CCDC102B: variants seen among roughly 807,000 people sequenced by gnomAD.
CCDC102B encodes the protein coiled-coil domain containing 102B, also known as coiled-coil domain-containing protein 102B.
In CCDC102B, 75 loss-of-function variants were observed where a neutral mutation model predicts 57.4. The observed-to-expected ratio is 1.31, with a 90% CI of 1.08 to 1.58. The LOEUF (loss-of-function observed/expected upper bound fraction) is 1.58, where lower values mean the gene tolerates loss of function less well. Ranked by LOEUF, CCDC102B falls within the 40% of genes most tolerant of loss-of-function variation. The pLI is 0.00. For synonymous variants in CCDC102B, 206 were observed against 201.9 expected (o/e 1.02, Z -0.17); for missense variants, 636 against 582.6 (o/e 1.09, Z -0.94).
chr18:68,767,115 C>T (rs1171916911), intron 2 of CCDC102B, among the ~76,000 whole-genome samples: 2 of 152,162 alleles, frequency 1.3e-5, no homozygotes, highest in East Asian at 3.9e-4. Flanking sequence ...CCATACTAGG[C>T]TAAAATTCAC....
intron 6 of CCDC102B, among the ~76,000 whole-genome samples, chr18:68,911,271 T>A (rs1599676248): frequency 6.6e-6 from 1 of 152,146 alleles, no homozygotes; most frequent in African/African-American, 2.4e-5. Flanking sequence ...AAGAATGGGA[T>A]TATATACTTT....
At chr18:68,912,907 A>G (rs1327153318) in intron 6 of CCDC102B, among the ~76,000 whole-genome samples, 1 of 152,186 alleles carries the variant, frequency 6.6e-6, no homozygotes, top group Non-Finnish European at 1.5e-5. Flanking sequence ...AATAAATGTC[A>G]CTAATTTGGG....
At chr18:68,966,747 A>T (rs2050174414) in intron 6 of CCDC102B, among the ~76,000 whole-genome samples, 1 of 152,108 alleles carries the variant, frequency 6.6e-6, no homozygotes, top group South Asian at 2.1e-4. Context: ...AGGTTCCATG[A>T]AACTGGGTTT....
Position 69,051,212 on chromosome 18 carries a change from C to G in CCDC102B, c.1435-2818C>G, listed in dbSNP as rs2052695973. Among the ~76,000 whole-genome samples, 4 of 151,790 alleles carry G rather than the reference C, an allele frequency of 2.6e-5. No homozygotes were observed. The South Asian group carries it at 8.3e-4, about 31-fold the overall frequency. ...TAAGGCAATTTATACTATACACATA[C>G]AACAAAACTTATAAAATACATTTTA... On this transcript the variant is annotated intron_variant, in intron 7 of 7. Transcript: ENST00000360242.
At chr18:68,812,151 G>A (rs2036290753) in intron 1 of CCDC102B, among the ~76,000 whole-genome samples, 2 of 151,862 alleles carry the variant, frequency 1.3e-5, no homozygotes, top group South Asian at 2.1e-4. Context: ...ATCATGGTTG[G>A]GTTTACAGAA....
intron 6 of CCDC102B, among the ~76,000 whole-genome samples, chr18:68,973,614 T>C (rs553951696): frequency 6.6e-6 from 1 of 152,232 alleles, no homozygotes; most frequent in South Asian, 2.1e-4. Flanking sequence ...TAACAAGAGG[T>C]TGAATGCTAG....
intron 2 of CCDC102B, among the ~76,000 whole-genome samples, chr18:68,777,577 C>A (rs890433887): frequency 6.6e-6 from 1 of 152,138 alleles, no homozygotes; most frequent in African/African-American, 2.4e-5. Context: ...TACTTAAAAT[C>A]TTTTTCTTGG....
chr18:68,835,068 C>T (rs2037309236), intron 1 of CCDC102B, among the ~76,000 whole-genome samples: 2 of 152,046 alleles, frequency 1.3e-5, no homozygotes, highest in South Asian at 4.1e-4. Context: ...ACAAATTAAG[C>T]TGCATATTTT....
intron 5 of CCDC102B, among the ~76,000 whole-genome samples, chr18:68,886,679 A>G (rs12458287): frequency 0.41 from 62,126 of 151,886 alleles, 13,850 homozygotes; most frequent in East Asian, 0.69. Flanking sequence ...CTTGTCACTG[A>G]CTACATAGTA....
At chr18:68,937,364 T>A (rs2049268348) in intron 6 of CCDC102B, among the ~76,000 whole-genome samples, 1 of 152,062 alleles carries the variant, frequency 6.6e-6, no homozygotes, top group African/African-American at 2.4e-5. Flanking sequence ...AGAAGCTGAA[T>A]GTAGCCTTGT....
At chr18:68,807,138 C>A (rs1211274608) in intron 1 of CCDC102B, among the ~76,000 whole-genome samples, 1 of 152,078 alleles carries the variant, frequency 6.6e-6, no homozygotes, top group Non-Finnish European at 1.5e-5. Flanking sequence ...TACTATAGCT[C>A]TCATGTTATC....
At chr18:68,837,500 C>A in intron 2 of CCDC102B, 131 bp downstream of exon 2, 1 of 841,918 alleles carries the variant, frequency 1.2e-6, no homozygotes. Flanking sequence ...GTACCATAAT[C>A]ACAGTGGTTT....
intron 7 of CCDC102B, among the ~76,000 whole-genome samples, chr18:69,041,189 G>A (rs992286812): frequency 6.6e-6 from 1 of 152,066 alleles, no homozygotes; most frequent in Non-Finnish European, 1.5e-5. Flanking sequence ...AATCAAAGCA[G>A]CACTTGCTAT....
In CCDC102B at chr18:68,723,604, C is replaced by A. The variant is rs557373902; in HGVS notation, c.-67+7010C>A. On this transcript the variant is annotated intron_variant, in intron 2 of 3. Transcript: ENST00000578970. The stretch of plus-strand genomic sequence containing the variant: ...CAAGTCCGAAATCCAACAGGGCAGT[C>A]ATTAAACCTTAAAGTTCCAAAATGA... Among the ~76,000 whole-genome samples the A allele has an allele frequency of 6.9e-4, 105 of 152,332 alleles. No individual in the cohort carries two copies. In the Middle Eastern group the frequency reaches 0.014, roughly 20 times the overall value.
At chr18:68,749,135 A>C (rs990215454) in intron 2 of CCDC102B, among the ~76,000 whole-genome samples, 1 of 152,052 alleles carries the variant, frequency 6.6e-6, no homozygotes, top group Non-Finnish European at 1.5e-5. Flanking sequence ...ATTGGTCTAT[A>C]TCTCTGTTTT....
chr18:68,811,630 A>C (rs568725531), intron 1 of CCDC102B, among the ~76,000 whole-genome samples: 1 of 152,288 alleles, frequency 6.6e-6, no homozygotes. Flanking sequence ...ACAAACAAAC[A>C]AAAAACATAA....
intron 6 of CCDC102B, among the ~76,000 whole-genome samples, chr18:69,001,351 G>T (rs1162647279): frequency 6.6e-6 from 1 of 151,862 alleles, no homozygotes; most frequent in Non-Finnish European, 1.5e-5. Flanking sequence ...GTTTCTTTCT[G>T]TAAACTAGAT....
intron 2 of CCDC102B, among the ~76,000 whole-genome samples, chr18:68,765,368 A>G (rs2034424085): frequency 6.8e-6 from 1 of 147,560 alleles, no homozygotes; most frequent in African/African-American, 2.6e-5. Flanking sequence ...AAAGAAAGAA[A>G]GAAAGAAAGA....
chr18:68,962,849 G>A (rs1356209036), intron 6 of CCDC102B, among the ~76,000 whole-genome samples: 4 of 151,860 alleles, frequency 2.6e-5, no homozygotes, highest in African/African-American at 9.7e-5. Context: ...ATATACACTG[G>A]CCTCAGCAGG....
Sources: gnomAD v4.1 joint callset for allele counts (sites outside exome capture counted in the v4.1 genomes callset) on GRCh38, gnomAD v4.1.1 for gene constraint, MANE v1.5 for transcripts, NCBI Gene and HGNC (gene_info 2026-07-23, HGNC 2026-07-21) for gene names.